Variants in ADAMTSL1 observed in about 807,000 individuals in gnomAD.
ADAMTSL1 encodes ADAMTS like 1.
A neutral mutation model predicts 201.8 loss-of-function variants in ADAMTSL1; 126 were observed. That is an observed-to-expected ratio of 0.62 (90% confidence interval 0.54 to 0.72). The LOEUF (loss-of-function observed/expected upper bound fraction) is 0.72, where lower values mean the gene tolerates loss of function less well. Among genes scored for constraint, ADAMTSL1 ranks in the 30% least tolerant of loss-of-function variants. ADAMTSL1 has a pLI of 0.00. For synonymous variants in ADAMTSL1, 1,121 were observed against 903.4 expected (o/e 1.24, Z -4.32); for missense variants, 2,679 against 2,277.8 (o/e 1.18, Z -3.59).
intron 2 of ADAMTSL1, among the ~76,000 whole-genome samples, chr9:18,461,018 CAT>C (rs1213452538): frequency 6.6e-6 from 1 of 152,128 alleles, no homozygotes; most frequent in Non-Finnish European, 1.5e-5. Context: ...AAATTAAATA[CAT>C]GTGTCCAATC....
intron 2 of ADAMTSL1, among the ~76,000 whole-genome samples, chr9:18,458,937 A>T (rs145432916): frequency 6.6e-6 from 1 of 152,210 alleles, no homozygotes; most frequent in African/African-American, 2.4e-5. Context: ...ACAGTATTTT[A>T]AAAAACAGTA....
chr9:18,221,323 G>A (rs1587341986), intron 2 of ADAMTSL1, among the ~76,000 whole-genome samples: 1 of 152,152 alleles, frequency 6.6e-6, no homozygotes, highest in Admixed American at 6.6e-5. Flanking sequence ...TCTTTAACAT[G>A]AAGATTTTAT....
chr9:18,624,471 C>T (rs1204343885), intron 5 of ADAMTSL1, among the ~76,000 whole-genome samples: 1 of 152,194 alleles, frequency 6.6e-6, no homozygotes, highest in Non-Finnish European at 1.5e-5. Context: ...TTATTTCTGG[C>T]ATGTAACTGA....
rs150492889 is a variant in ADAMTSL1, at chr9:18,037,696, A to G, written c.88-126166A>G. On this transcript the variant is annotated intron_variant, in intron 1 of 29. Coordinates refer to the ADAMTSL1 transcript ENST00000680146. ...TATTGGAACCCAAATCCTGATGCAT[A>G]TAATAAAGTTTAAAAGGCTTATTTT... Among the ~76,000 whole-genome samples the G allele has an allele frequency of 1.9e-3, 296 of 152,314 alleles. 2 individuals are homozygous for G. The highest frequency in any genetic ancestry group is 6.9e-3 in the African/African-American group (287 of 41,570).
intron 2 of ADAMTSL1, among the ~76,000 whole-genome samples, chr9:18,219,345 T>TA (rs1830170473): frequency 1.9e-5 from 1 of 53,230 alleles, no homozygotes; most frequent in Non-Finnish European, 3.5e-5. Context: ...CATTTTATTT[T>TA]TATTTATTTA....
rs541666201 is a variant in ADAMTSL1, at chr9:18,429,423, G to A, written c.208-75406G>A. On this transcript the variant is annotated intron_variant, in intron 2 of 29. Coordinates refer to the ADAMTSL1 transcript ENST00000680146. ...AGTCTCTGTTTGGGTATTGGGATCT[G>A]GATATGTCTGATGTGTCTGTGTGCT... Among the ~76,000 whole-genome samples the A allele has an allele frequency of 2.0e-4, 30 of 152,226 alleles. No individual in the cohort carries two copies. The South Asian group carries it at 6.2e-3, about 32-fold the overall frequency.
intron 2 of ADAMTSL1, among the ~76,000 whole-genome samples, chr9:18,424,468 C>T (rs1819110694): frequency 6.6e-6 from 1 of 152,082 alleles, no homozygotes; most frequent in South Asian, 2.1e-4. Context: ...CAATATATAA[C>T]ATAATAAGTG....
chr9:18,833,739 TG>T (rs1288894584), intron 23 of ADAMTSL1, among the ~76,000 whole-genome samples: 1 of 152,174 alleles, frequency 6.6e-6, no homozygotes, highest in Non-Finnish European at 1.5e-5. Flanking sequence ...TTGCTTTTGG[TG>T]TCTTCATCAT....
chr9:18,137,517 T>C (rs1265194415), intron 1 of ADAMTSL1, among the ~76,000 whole-genome samples: 1 of 152,182 alleles, frequency 6.6e-6, no homozygotes, highest in East Asian at 1.9e-4. Flanking sequence ...TCTCTTAACA[T>C]GTAAGTCCTT....
chr9:18,186,153 A>G (rs1828723211), intron 2 of ADAMTSL1, among the ~76,000 whole-genome samples: 1 of 152,184 alleles, frequency 6.6e-6, no homozygotes, highest in African/African-American at 2.4e-5. Flanking sequence ...TATTCCTGGA[A>G]TTGTAAACAA....
At chr9:18,126,814 A>C (rs1044572969) in intron 1 of ADAMTSL1, among the ~76,000 whole-genome samples, 1 of 152,186 alleles carries the variant, frequency 6.6e-6, no homozygotes, top group Non-Finnish European at 1.5e-5. Context: ...AAATATGTCT[A>C]TGCTTATGCC....
At position 18,910,620 on chromosome 9, in the gene ADAMTSL1, A is replaced by C. The variant is rs2131641244; in HGVS notation, c.*2072A>C. On this transcript the variant is annotated 3_prime_UTR_variant, in exon 29 of 29. Coordinates refer to ENST00000380548, the MANE Select transcript of ADAMTSL1 (RefSeq NM_001040272.6). ...GACAGACAAATTCCATACTACTACT[A>C]ATGTGGTTAATTATTTCTAGTTCGA... 1 of 152,310 alleles carries C rather than the reference A, an allele frequency of 6.6e-6. No individual in the cohort carries two copies. Among genetic ancestry groups the C allele is most frequent in the East Asian group, 1.9e-4 (1 of 5,180 alleles). 9.4% of individuals were successfully genotyped at this position (152,310 alleles called of 1,614,324 possible).
chr9:18,905,837 G>T lies in ADAMTSL1; in HGVS notation c.4907G>T (p.Cys1636Phe). The T allele has an allele frequency of 6.2e-7, 1 of 1,613,678 alleles. No individual in the cohort carries two copies. The highest frequency in any genetic ancestry group is 8.5e-7 in the Non-Finnish European group (1 of 1,179,810). Residue 1636 changes from cysteine to phenylalanine, a missense_variant, in exon 27 of 29, where the codon TGC becomes TTC. Cys to Phe is a radical substitution (Grantham distance 205). Transcript: ENST00000380548. ...GCTGTGCAACACAGACAAGTCTTCTGCCAGACACGGGATGGCATCACCTTA... is the reference window on the plus strand; with the variant it reads ...GCTGTGCAACACAGACAAGTCTTCTTCCAGACACGGGATGGCATCACCTTA... Reference protein sequence around the residue: ...HLAVQHRQVFCQTRDGITLPS... With the variant: ...HLAVQHRQVFFQTRDGITLPS...
intron 1 of ADAMTSL1, among the ~76,000 whole-genome samples, chr9:18,014,892 C>G (rs1254979871): frequency 6.6e-6 from 1 of 151,966 alleles, no homozygotes; most frequent in East Asian, 1.9e-4. Flanking sequence ...GGCTCCCCTT[C>G]TCTATTGACA....
At position 18,603,785 on chromosome 9, in the gene ADAMTSL1, G is replaced by T. The variant is rs964609754; in HGVS notation, c.475-18458G>T. Among the ~76,000 whole-genome samples, 8 of 152,042 alleles carry T rather than the reference G, an allele frequency of 5.3e-5. No individual in the cohort carries two copies. In the East Asian group the frequency reaches 1.5e-3, roughly 29 times the overall value. On this transcript the variant is annotated intron_variant, in intron 4 of 28. Transcript: ENST00000380548. ...GGACATTAAATACATTCACGTTGTT[G>T]TGCCATCTCCAGGACTTTTTCATCT... is the stretch of plus-strand genomic sequence containing the variant.
chr9:18,640,259 C>T (rs534443630), intron 7 of ADAMTSL1, among the ~76,000 whole-genome samples: 32 of 152,226 alleles, frequency 2.1e-4, no homozygotes, highest in Non-Finnish European at 3.7e-4. Context: ...CCAGTCCAGA[C>T]GCCAGCCACA....
At chr9:18,029,768 A>T (rs531180836) in intron 1 of ADAMTSL1, among the ~76,000 whole-genome samples, 64 of 152,386 alleles carry the variant, frequency 4.2e-4, no homozygotes, top group African/African-American at 1.5e-3. Context: ...AAAAGAAGAC[A>T]TGTATGTAGC....
At chr9:18,898,630 T>A (rs549763890) in intron 26 of ADAMTSL1, among the ~76,000 whole-genome samples, 15 of 152,324 alleles carry the variant, frequency 9.8e-5, no homozygotes, top group Non-Finnish European at 1.9e-4. Context: ...ATGATCAAGT[T>A]GGCTTCATCC....
At chr9:18,800,310 G>A (rs1246538801) in intron 20 of ADAMTSL1, among the ~76,000 whole-genome samples, 1 of 142,348 alleles carries the variant, frequency 7.0e-6, no homozygotes, top group Non-Finnish European at 1.5e-5. Flanking sequence ...CCGGGAGGTA[G>A]AGGTTGCAGT....
Sources: gnomAD v4.1 joint callset for allele counts (sites outside exome capture counted in the v4.1 genomes callset) on GRCh38, gnomAD v4.1.1 for gene constraint, MANE v1.5 for transcripts, NCBI Gene and HGNC (gene_info 2026-07-23, HGNC 2026-07-21) for gene names.